Variants in SLC6A17 observed in about 807,000 individuals in gnomAD.
The protein encoded by SLC6A17 is sodium-dependent neutral amino acid transporter SLC6A17.
In SLC6A17, 21 loss-of-function variants were observed where a neutral mutation model predicts 64.5. The observed-to-expected ratio is 0.33, with a 90% CI of 0.23 to 0.47. The LOEUF is 0.47. Ranked by LOEUF, SLC6A17 falls within the 20% of genes least tolerant of loss-of-function variation. The pLI is 1.00. For synonymous variants in SLC6A17, 372 were observed against 399.5 expected, an observed-to-expected ratio of 0.93 and a Z score of 0.82; for missense variants, 682 against 963.2, an observed-to-expected ratio of 0.71 and a Z score of 3.86.
intron 2 of SLC6A17, among the ~76,000 whole-genome samples, chr1:110,168,474 A>G (rs1244891055): frequency 1.3e-5 from 2 of 152,112 alleles, no homozygotes; most frequent in African/African-American, 2.4e-5. Context: ...TCTTTCCCCC[A>G]TAGCATGTTA....
At chr1:110,163,042 AT>A (rs1188398112) in intron 1 of SLC6A17, among the ~76,000 whole-genome samples, 34 of 143,006 alleles carry the variant, frequency 2.4e-4, no homozygotes, top group Middle Eastern at 3.6e-3. Context: ...AAAAAAAAAA[AT>A]GGTTTTAAGC....
intron 1 of SLC6A17, 73 bp from the exon 2 acceptor site, chr1:110,166,770 G>T: frequency 1.1e-6 from 1 of 889,496 alleles, no homozygotes; most frequent in Non-Finnish European, 1.6e-6. Context: ...GTTAATTTGG[G>T]TTGTGTCCAC....
At chr1:110,181,886 G>A (rs1170468711) in intron 6 of SLC6A17, among the ~76,000 whole-genome samples, 1 of 152,232 alleles carries the variant, frequency 6.6e-6, no homozygotes, top group Non-Finnish European at 1.5e-5. Flanking sequence ...CGTATGGTCG[G>A]TAGTAATGTA....
intron 6 of SLC6A17, among the ~76,000 whole-genome samples, chr1:110,186,067 T>A (rs192023506): frequency 6.6e-6 from 1 of 152,346 alleles, no homozygotes; most frequent in East Asian, 1.9e-4. Flanking sequence ...CATTACACTA[T>A]CTTCTCTGCC....
intron 6 of SLC6A17, among the ~76,000 whole-genome samples, chr1:110,188,176 C>G (rs1656733761): frequency 6.6e-6 from 1 of 152,236 alleles, no homozygotes; most frequent in Non-Finnish European, 1.5e-5. Context: ...GTAGCATATG[C>G]ATCACATTAC....
At chr1:110,159,909 T>C (rs1414373862) in intron 1 of SLC6A17, among the ~76,000 whole-genome samples, 2 of 152,190 alleles carry the variant, frequency 1.3e-5, no homozygotes, top group East Asian at 1.9e-4. Context: ...TTCCATCATA[T>C]CATATTTATC....
chr1:110,176,284 C>T (rs1286347590), intron 5 of SLC6A17, among the ~76,000 whole-genome samples: 2 of 152,042 alleles, frequency 1.3e-5, no homozygotes, highest in Non-Finnish European at 2.9e-5. Flanking sequence ...AGGGGGCCCA[C>T]TGGGGGAATG....
intron 2 of SLC6A17, among the ~76,000 whole-genome samples, chr1:110,168,612 T>C (rs1224971874): frequency 6.6e-6 from 1 of 152,236 alleles, no homozygotes; most frequent in African/African-American, 2.4e-5. Context: ...AGCAAAGATA[T>C]ACAAGTATAT....
chr1:110,157,911 C>T (rs1052810194), intron 1 of SLC6A17, among the ~76,000 whole-genome samples: 2 of 152,156 alleles, frequency 1.3e-5, no homozygotes, highest in Non-Finnish European at 2.9e-5. Flanking sequence ...TCTCTCACTC[C>T]GTTGAAGTCT....
intron 1 of SLC6A17, among the ~76,000 whole-genome samples, chr1:110,161,413 C>T (rs1655906135): frequency 6.6e-6 from 1 of 152,046 alleles, no homozygotes; most frequent in African/African-American, 2.4e-5. Context: ...CTTGGGGGCT[C>T]TTCAGGGTGC....
chr1:110,180,116 T>A (rs777382101), intron 6 of SLC6A17, among the ~76,000 whole-genome samples: 2 of 151,850 alleles, frequency 1.3e-5, no homozygotes, highest in Non-Finnish European at 2.9e-5. Flanking sequence ...AACATAAAAA[T>A]AAAGTGACTC....
chr1:110,166,933 C>T lies in SLC6A17; in HGVS notation c.4C>T (p.Pro2Ser). The T allele has an allele frequency of 6.2e-7, 1 of 1,605,128 alleles. No homozygotes were observed. The highest frequency in any genetic ancestry group is 8.5e-7 in the Non-Finnish European group (1 of 1,173,524). The change falls in exon 2 of 12, where the codon CCG becomes TCG. Residue 2 changes from proline (P) to serine (S), a missense_variant. Around this residue, in one of 3 missense-constraint regions of SLC6A17, gnomAD observed 415 missense variants for 603.8 expected, o/e 0.69. Coordinates refer to ENST00000331565, the MANE Select transcript of SLC6A17 (RefSeq NM_001010898.4). ...CTACACGGCCCAGGTGGCATCAATG[C>T]CGAAGAACAGCAAAGTGACCCAGCG... The part of the protein sequence containing the change: M[P>S]KNSKVTQREH...
At chr1:110,173,670 C>T (rs1006325289) in intron 3 of SLC6A17, among the ~76,000 whole-genome samples, 1 of 152,220 alleles carries the variant, frequency 6.6e-6, no homozygotes, top group Non-Finnish European at 1.5e-5. Flanking sequence ...GGAGAAAGTA[C>T]TTCAAGTATC....
chr1:110,180,275 C>T (rs1436058415), intron 6 of SLC6A17, among the ~76,000 whole-genome samples: 1 of 152,154 alleles, frequency 6.6e-6, no homozygotes, highest in Admixed American at 6.5e-5. Context: ...TAAATAGAAA[C>T]GTCCCCTACC....
At chr1:110,151,808 G>T (rs1480367766) in intron 1 of SLC6A17, among the ~76,000 whole-genome samples, 1 of 150,568 alleles carries the variant, frequency 6.6e-6, no homozygotes, top group Non-Finnish European at 1.5e-5. Flanking sequence ...TTTTTTTTAA[G>T]AAATACTTTA....
chr1:110,197,709 G>A (rs1571005793), intron 11 of SLC6A17, 110 bp downstream of exon 11: 2 of 1,284,198 alleles, frequency 1.6e-6, no homozygotes, highest in Non-Finnish European at 2.1e-6. Context: ...GCCAGGCCTT[G>A]CCAGGTGCCT....
At chr1:110,179,565 T>C (rs1425371670) in intron 6 of SLC6A17, among the ~76,000 whole-genome samples, 1 of 71,110 alleles carries the variant, frequency 1.4e-5, no homozygotes, top group Non-Finnish European at 2.9e-5. Context: ...CCTTCCTTTC[T>C]TTTTTGAGTT....
At chr1:110,180,376 G>A (rs1050554510) in intron 6 of SLC6A17, among the ~76,000 whole-genome samples, 1 of 152,190 alleles carries the variant, frequency 6.6e-6, no homozygotes, top group Non-Finnish European at 1.5e-5. Context: ...GAGAGGTTTT[G>A]CAGGAACAAA....
In SLC6A17 at chr1:110,192,491, G is replaced by T. The variant is rs756317772; in HGVS notation, c.1107-15G>T. ...CCCTGCCTTCTTACCTGGTCCTCTC[G>T]GTTTTGTGCTGCAGGAATGCTGAGA... On this transcript the variant is annotated splice_polypyrimidine_tract_variant and intron_variant, in intron 7 of 11. Coordinates refer to ENST00000331565, the MANE Select transcript of SLC6A17 (RefSeq NM_001010898.4). This position sits in a 1 kb window ranked among gnomAD's most constrained non-coding sequence, Gnocchi z 4.3. 1.2e-6 allele frequency: 2 copies of T among 1,606,076 alleles called. No individual in the cohort carries two copies. The highest frequency in any genetic ancestry group is 1.1e-5 in the South Asian group (1 of 89,452).
Sources: gnomAD v4.1 joint callset for allele counts (sites outside exome capture counted in the v4.1 genomes callset) on GRCh38, gnomAD v4.1.1 for gene constraint, gnomAD v4.1.1 regional missense constraint, Gnocchi (gnomAD v3.1) non-coding constraint, MANE v1.5 for transcripts, NCBI Gene and HGNC (gene_info 2026-07-23, HGNC 2026-07-21) for gene names.